GARS1: variants seen among roughly 807,000 people sequenced by gnomAD.
The protein encoded by GARS1 is glycine--tRNA ligase.
A neutral mutation model predicts 86.4 loss-of-function variants in GARS1; 46 were observed. The ratio of observed to expected loss-of-function variants is 0.53; its 90% confidence interval spans 0.42 to 0.68. The LOEUF is 0.68. Ranked by LOEUF, GARS1 falls within the 30% of genes least tolerant of loss-of-function variation. GARS1 has a pLI of 0.00. For synonymous variants in GARS1, 342 were observed against 329.8 expected, an observed-to-expected ratio of 1.04 and a Z score of -0.40; for missense variants, 797 against 915.6, an observed-to-expected ratio of 0.87 and a Z score of 1.67.
At position 30,594,895 on chromosome 7, in the gene GARS1, C is replaced by G. The variant is rs761660649; in HGVS notation, c.-27C>G. The G allele has an allele frequency of 1.3e-6, 2 of 1,533,770 alleles. No homozygotes were observed. The highest frequency in any genetic ancestry group is 1.7e-6 in the Non-Finnish European group (2 of 1,143,404). ...CGCGCGCCGCTTCCGTCGCCACCCT[C>G]TCTGGACAGCCCAGGGCCGCAGGCT... On this transcript the variant is annotated 5_prime_UTR_variant, in exon 1 of 17. Coordinates refer to ENST00000389266, the MANE Select transcript of GARS1 (RefSeq NM_002047.4).
At chr7:30,631,953 G>A in intron 15 of GARS1, 1 of 433,486 alleles carries the variant, frequency 2.3e-6, no homozygotes, top group South Asian at 2.1e-5. Context: ...CCATTGACCT[G>A]CTTAGAGCCA....
chr7:30,628,057 C>T (rs79975216), intron 13 of GARS1, among the ~76,000 whole-genome samples: 2,213 of 152,230 alleles, frequency 0.015, 62 homozygotes, highest in African/African-American at 0.05. Context: ...CCAGCTTTCT[C>T]TTCAAAGGCA....
At chr7:30,595,726 A>C (rs1211060134) in intron 1 of GARS1, 5 of 470,230 alleles carry the variant, frequency 1.1e-5, no homozygotes, top group Non-Finnish European at 2.2e-5. Flanking sequence ...CTGAGAAAAT[A>C]GAATTGAAAT....
intron 6 of GARS1, among the ~76,000 whole-genome samples, chr7:30,605,745 T>C (rs1791471300): frequency 6.6e-6 from 1 of 152,148 alleles, no homozygotes; most frequent in Non-Finnish European, 1.5e-5. Context: ...TCATTATCTA[T>C]CTCTAAAAGA....
At chr7:30,602,451 C>T (rs1791400010) in intron 4 of GARS1, among the ~76,000 whole-genome samples, 1 of 152,222 alleles carries the variant, frequency 6.6e-6, no homozygotes, top group Non-Finnish European at 1.5e-5. Context: ...CTAATTTTTA[C>T]TATTGGCATC....
intron 7 of GARS1, among the ~76,000 whole-genome samples, chr7:30,611,600 T>A (rs933056082): frequency 1.3e-5 from 2 of 152,210 alleles, no homozygotes; most frequent in African/African-American, 4.8e-5. Flanking sequence ...TTCTCTTGCC[T>A]CAGCCTCCTG....
In GARS1 at chr7:30,607,097, G is replaced by C. The variant is rs190103341; in HGVS notation, c.736-2488G>C. 5.8e-4 allele frequency among the ~76,000 whole-genome samples: 88 copies of C among 152,038 alleles called. 1 individual carries two copies. The highest frequency in any genetic ancestry group is 2.1e-3 in the African/African-American group (85 of 41,462). ...ACACTTTTATTGTTCTTTTCTTTAG[G>C]GATATGCCAGCACTGTGTAGTCTTA... On this transcript the variant is annotated intron_variant, in intron 6 of 16. Transcript: ENST00000389266.
intron 10 of GARS1, 44 bp from the exon 11 acceptor site, chr7:30,621,349 G>A: frequency 6.7e-7 from 1 of 1,486,974 alleles, no homozygotes; most frequent in Non-Finnish European, 9.4e-7. Context: ...CCCAATATAA[G>A]TAATAATAAG....
intron 13 of GARS1, among the ~76,000 whole-genome samples, chr7:30,626,797 A>G (rs1239321654): frequency 6.6e-6 from 1 of 152,204 alleles, no homozygotes; most frequent in Non-Finnish European, 1.5e-5. Context: ...CCTGGCCAAC[A>G]TGGTGAAACC....
In GARS1 at chr7:30,595,071, C is replaced by T; in HGVS notation, c.150C>T (p.Ala50=). ...CCCCGATCTCCTTGCCCGCCGCCGC[C>T]TCCCGGAGCAGCATGGACGGCGCGG... is the stretch of plus-strand genomic sequence containing the variant. ...SCPPISLPAA[A]SRSSMDGAGA... is the part of the protein sequence containing the mutation. Residue 50 remains alanine (A), a synonymous_variant, in exon 1 of 17, where the codon GCC becomes GCT. Transcript: ENST00000389266. The T allele has an allele frequency of 6.5e-7, 1 of 1,550,214 alleles. No individual in the cohort carries two copies. The highest frequency in any genetic ancestry group is 8.7e-7 in the Non-Finnish European group (1 of 1,153,784).
At chr7:30,597,223 G>C (rs758000) in intron 1 of GARS1, among the ~76,000 whole-genome samples, 4 of 151,996 alleles carry the variant, frequency 2.6e-5, no homozygotes, top group Non-Finnish European at 5.9e-5. Flanking sequence ...CAGTGAACCA[G>C]TGTTTTCCAG....
In GARS1 at chr7:30,598,676, G is replaced by A. The variant is rs77213416; in HGVS notation, c.223-120G>A. The A allele has an allele frequency of 0.052, 41,066 of 796,682 alleles. 2,230 individuals carry two copies. Among genetic ancestry groups the A allele is most frequent in the African/African-American group, 0.23 (13,490 of 58,722 alleles). 49.4% of individuals were successfully genotyped at this position (796,682 alleles called of 1,614,324 possible). ...TGGTATTACAGGCGTGAGCCACCAC[G>A]CTTGGCCTGAATTGCATCATTCTTA... On this transcript the variant is annotated intron_variant, in intron 1 of 16. Coordinates refer to ENST00000389266, the MANE Select transcript of GARS1 (RefSeq NM_002047.4).
chr7:30,596,425 C>T (rs1045009040), intron 1 of GARS1, among the ~76,000 whole-genome samples: 20 of 152,130 alleles, frequency 1.3e-4, no homozygotes, highest in African/African-American at 4.3e-4. Flanking sequence ...TTTGTCTTTT[C>T]TTAACTTGCC....
In GARS1 at chr7:30,614,441, A is replaced by G. The variant is rs149793649; in HGVS notation, c.1032-1455A>G. Among the ~76,000 whole-genome samples, 1,038 of 152,296 alleles carry G rather than the reference A, an allele frequency of 6.8e-3. 14 individuals are homozygous for G. The highest frequency in any genetic ancestry group is 0.023 in the African/African-American group (971 of 41,556). ...TTCAGTTGCTGTCAGCCCAATTATA[A>G]GCTATGTGAGGACAAACACCATGTT... On this transcript the variant is annotated intron_variant, in intron 8 of 16. Transcript: ENST00000389266.
intron 10 of GARS1, among the ~76,000 whole-genome samples, chr7:30,617,818 C>T (rs1490718099): frequency 1.3e-5 from 2 of 152,212 alleles, no homozygotes; most frequent in East Asian, 3.8e-4. Context: ...CCCCTCCAGC[C>T]TCCACCACCA....
intron 13 of GARS1, among the ~76,000 whole-genome samples, chr7:30,628,020 CAG>C (rs1211262907): frequency 6.6e-6 from 1 of 152,128 alleles, no homozygotes; most frequent in Admixed American, 6.5e-5. Context: ...ACAGTATAAA[CAG>C]AATTTGGTGA....
chr7:30,612,204 T>C lies in GARS1; in HGVS notation c.990T>C (p.Phe330=). The C allele has an allele frequency of 1.2e-6, 2 of 1,614,124 alleles. No individual in the cohort carries two copies. The highest frequency in any genetic ancestry group is 8.5e-7 in the Non-Finnish European group (1 of 1,180,006). Residue 330 remains phenylalanine, a synonymous_variant, in exon 8 of 17, where the codon TTT becomes TTC. Coordinates refer to ENST00000389266, the MANE Select transcript of GARS1 (RefSeq NM_002047.4). ...CTGCTGCCCAGATTGGAAATTCTTT[T>C]AGAAATGAGATCTCCCCTCGATCTG... ...PFAAAQIGNS[F]RNEISPRSGL...
intron 1 of GARS1, chr7:30,595,809 C>T (rs1221048362): frequency 5.9e-5 from 28 of 471,152 alleles, no homozygotes; most frequent in Non-Finnish European, 9.2e-5. Context: ...GTCATCTTTT[C>T]TGGCTTCTGA....
At chr7:30,631,810 A>G (rs1192793466) in intron 15 of GARS1, among the ~76,000 whole-genome samples, 2 of 152,240 alleles carry the variant, frequency 1.3e-5, no homozygotes, top group Admixed American at 1.3e-4. Flanking sequence ...CTTGGTGCCA[A>G]GTTCATCGAG....
Sources: gnomAD v4.1 joint callset for allele counts (sites outside exome capture counted in the v4.1 genomes callset) on GRCh38, gnomAD v4.1.1 for gene constraint, MANE v1.5 for transcripts, NCBI Gene and HGNC (gene_info 2026-07-23, HGNC 2026-07-21) for gene names.